Variants in PRKAG2 observed in about 807,000 individuals in gnomAD.
PRKAG2 encodes the protein 5'-AMP-activated protein kinase subunit gamma-2.
Under a neutral mutation model 69.6 loss-of-function variants are expected in PRKAG2, and 26 were observed. That is an observed-to-expected ratio of 0.37 (90% CI 0.27 to 0.52). The LOEUF (loss-of-function observed/expected upper bound fraction) is 0.52. Ranked by LOEUF, PRKAG2 falls within the 20% of genes least tolerant of loss-of-function variation. The probability of loss-of-function intolerance (pLI) is 0.90; values close to 1 mark genes in which losing one functional copy is unlikely to be tolerated. For synonymous variants in PRKAG2, 293 were observed against 285.0 expected, an observed-to-expected ratio of 1.03 and a Z score of -0.28; for missense variants, 557 against 740.0, an observed-to-expected ratio of 0.75 and a Z score of 2.87.
chr7:151,615,977 C>T (rs1189333045), intron 5 of PRKAG2, among the ~76,000 whole-genome samples: 1 of 152,232 alleles, frequency 6.6e-6, no homozygotes. Flanking sequence ...ATGATTAGAG[C>T]CTCTGTGTAC....
chr7:151,562,244 C>CAAAAAAAAAAAAAAAAA (rs575674668), intron 14 of PRKAG2, among the ~76,000 whole-genome samples: 7 of 38,476 alleles, frequency 1.8e-4, no homozygotes, highest in East Asian at 1.5e-3. Context: ...GACTTTGTCT[C>CAAAAAAAAAAAAAAAAA]AAAAAAAAAA....
chr7:151,673,424 G>A (rs1474781477), intron 4 of PRKAG2, among the ~76,000 whole-genome samples: 2 of 152,028 alleles, frequency 1.3e-5, no homozygotes, highest in African/African-American at 2.4e-5. Flanking sequence ...GCGGTTTTCC[G>A]TTTCTCCCTC....
Position 151,646,379 on chromosome 7 carries a change from T to C in PRKAG2, c.685-14241A>G, listed in dbSNP as rs574304646. On this transcript the variant is annotated intron_variant, in intron 4 of 15. Coordinates refer to ENST00000287878, the MANE Select transcript of PRKAG2 (RefSeq NM_016203.4). Reference sequence around the variant, plus strand: ...CAGCAATCTTTTGTAGTTTTCACCATGGAGGTCTTACATATCTTTTGTTAA... The same window carrying C: ...CAGCAATCTTTTGTAGTTTTCACCACGGAGGTCTTACATATCTTTTGTTAA... Among the ~76,000 whole-genome samples the C allele has an allele frequency of 1.0e-3, 153 of 152,342 alleles. 2 individuals are homozygous for C. Among genetic ancestry groups the C allele is most frequent in the South Asian group, 4.1e-4 (2 of 4,828 alleles).
At chr7:151,605,932 G>A (rs6977084) in intron 5 of PRKAG2, among the ~76,000 whole-genome samples, 26,057 of 129,754 alleles carry the variant, frequency 0.2, 2,859 homozygotes, top group African/African-American at 0.32. Context: ...GCGAGACTCC[G>A]TCTCAAAAAA....
chr7:151,632,409 G>T lies in PRKAG2; in HGVS notation c.685-271C>A. 2.0e-6 allele frequency: 1 copy of T among 506,426 alleles called. No individual in the cohort carries two copies. Among genetic ancestry groups the T allele is most frequent in the South Asian group, 8.5e-5 (1 of 11,766 alleles). The allele number at this position is 506,426 out of a possible 1,614,324, so 31.4% of individuals were successfully genotyped here. On this transcript the variant is annotated intron_variant, in intron 4 of 15. Coordinates refer to ENST00000287878, the MANE Select transcript of PRKAG2 (RefSeq NM_016203.4). This position sits in a 1 kb window ranked among gnomAD's most constrained non-coding sequence, Gnocchi z 4.2. ...GCCGCTCCCCCCCGCGCCTTGGTACGGCCCGCCCGGGAGGAAGCGTGGGAA... is the reference window on the plus strand; with the variant it reads ...GCCGCTCCCCCCCGCGCCTTGGTACTGCCCGCCCGGGAGGAAGCGTGGGAA...
intron 3 of PRKAG2, among the ~76,000 whole-genome samples, chr7:151,766,862 G>C (rs2075758923): frequency 6.6e-6 from 1 of 152,216 alleles, no homozygotes; most frequent in Admixed American, 6.5e-5. Context: ...TCGTGGAGAA[G>C]GCAGGACATA....
intron 5 of PRKAG2, among the ~76,000 whole-genome samples, chr7:151,609,349 T>C (rs1011728640): frequency 6.6e-6 from 1 of 152,206 alleles, no homozygotes; most frequent in Non-Finnish European, 1.5e-5. Flanking sequence ...TCTTTGGTCT[T>C]CTTGGCCTTA....
Position 151,828,892 on chromosome 7 carries a change from TAA to T in PRKAG2, c.115-42353_115-42352del, listed in dbSNP as rs1382412369. 2.0e-5 allele frequency among the ~76,000 whole-genome samples: 3 copies of T among 152,050 alleles called. No individual in the cohort carries two copies. The highest frequency in any genetic ancestry group is 2.9e-5 in the Non-Finnish European group (2 of 68,014). ...CACCAATGTACTCCAGCCTGGGCAATAAAGAGAGAACCTGTCTCTAAAAAGCA... is the reference window on the plus strand; with the variant it reads ...CACCAATGTACTCCAGCCTGGGCAATAGAGAGAACCTGTCTCTAAAAAGCA... On this transcript the variant is annotated intron_variant, in intron 1 of 15. Transcript: ENST00000287878. The surrounding 1 kb of genome is among the most constrained non-coding windows in gnomAD (Gnocchi z 4.6).
chr7:151,556,982 TCAGA>T lies in PRKAG2; in HGVS notation c.*215_*218del. 1.5e-6 allele frequency: 1 copy of T among 660,858 alleles called. No homozygotes were observed. The highest frequency in any genetic ancestry group is 2.5e-6 in the Non-Finnish European group (1 of 398,428). The allele number at this position is 660,858 out of a possible 1,614,324, so 40.9% of individuals were successfully genotyped here. ...AATGACATACAGCATTTAAAATCCT[TCAGA>T]CAAAGGTCTGAAAACAGTCTTTTAA... On this transcript the variant is annotated 3_prime_UTR_variant, in exon 16 of 16. Coordinates refer to ENST00000287878, the MANE Select transcript of PRKAG2 (RefSeq NM_016203.4).
rs1563756406 is a variant in PRKAG2, at chr7:151,854,999, G to GCCCTCCACACACACCGCC, written c.114+21507_114+21508insGGCGGTGTGTGTGGAGGG. 5.5e-4 allele frequency among the ~76,000 whole-genome samples: 10 copies of GCCCTCCACACACACCGCC among 18,332 alleles called. 3 individuals are homozygous for GCCCTCCACACACACCGCC. The highest frequency in any genetic ancestry group is 2.2e-3 in the African/African-American group (9 of 4,006). The allele number at this position is 18,332 out of a possible 152,430, so 12.0% of individuals were successfully genotyped here. ...ACACACCATGCTCCACACACACCATGCTCCACACACACCACCCTCCACACA... is the reference window on the plus strand; with the variant it reads ...ACACACCATGCTCCACACACACCATGCCCTCCACACACACCGCCCTCCACACACACCACCCTCCACACA... On this transcript the variant is annotated intron_variant, in intron 1 of 15. Transcript: ENST00000287878.
chr7:151,714,678 A>G (rs1795880048), intron 3 of PRKAG2, among the ~76,000 whole-genome samples: 1 of 152,146 alleles, frequency 6.6e-6, no homozygotes, highest in Admixed American at 6.5e-5. Flanking sequence ...GGCCGGGCGC[A>G]GTAGCTCATG....
chr7:151,767,533 G>A (rs977535337), intron 3 of PRKAG2, among the ~76,000 whole-genome samples: 2 of 152,198 alleles, frequency 1.3e-5, no homozygotes, highest in African/African-American at 4.8e-5. Context: ...TCAAGTGATT[G>A]GCCCGACTTG....
intron 3 of PRKAG2, among the ~76,000 whole-genome samples, chr7:151,776,012 C>T (rs2076328488): frequency 6.6e-6 from 1 of 152,210 alleles, no homozygotes; most frequent in Non-Finnish European, 1.5e-5. Context: ...AATGAACGGC[C>T]ATCTGGAAGG....
At chr7:151,821,353 G>A (rs146702311) in intron 1 of PRKAG2, among the ~76,000 whole-genome samples, 29 of 152,236 alleles carry the variant, frequency 1.9e-4, no homozygotes, top group Non-Finnish European at 3.7e-4. Flanking sequence ...ATGGCAACTC[G>A]ATCTTTCTTT....
In PRKAG2 at chr7:151,632,315, G is replaced by T; in HGVS notation, c.685-177C>A. The T allele has an allele frequency of 1.2e-6, 1 of 826,280 alleles. No homozygotes were observed. Among genetic ancestry groups the T allele is most frequent in the Non-Finnish European group, 1.5e-6 (1 of 687,844 alleles). 51.2% of individuals were successfully genotyped at this position (826,280 alleles called of 1,614,324 possible). A position where few individuals can be genotyped will look rare whatever the true frequency, so the allele number is the denominator to read the frequency against. ...CGGAGCGGGAGCGCTGCCCCCACCC[G>T]CCCGAGGCCGCCGCCGCCGCCGCAG... On this transcript the variant is annotated intron_variant, in intron 4 of 15. Coordinates refer to ENST00000287878, the MANE Select transcript of PRKAG2 (RefSeq NM_016203.4). The surrounding 1 kb of genome is among the most constrained non-coding windows in gnomAD (Gnocchi z 4.2).
intron 1 of PRKAG2, among the ~76,000 whole-genome samples, chr7:151,869,268 CTT>C (rs1482705128): frequency 6.6e-6 from 1 of 152,210 alleles, no homozygotes; most frequent in Non-Finnish European, 1.5e-5. Context: ...GGATTTAACT[CTT>C]TGCATTCATC....
rs1021425189 is a variant in PRKAG2, at chr7:151,556,372, T to G, written c.*829A>C. 1 of 152,470 alleles carries G rather than the reference T, an allele frequency of 6.6e-6. No homozygotes were observed. Among genetic ancestry groups the G allele is most frequent in the African/African-American group, 2.4e-5 (1 of 41,384 alleles). 9.4% of individuals were successfully genotyped at this position (152,470 alleles called of 1,614,324 possible). ...ACATTTCAATACACAAGAAAAAAAA[T>G]AGACATCTTCCCGGCACTTGGCTCC... is the stretch of plus-strand genomic sequence containing the variant. On this transcript the variant is annotated 3_prime_UTR_variant, in exon 16 of 16. Coordinates refer to ENST00000287878, the MANE Select transcript of PRKAG2 (RefSeq NM_016203.4).
intron 1 of PRKAG2, 86 bp downstream of exon 1, chr7:151,876,421 C>G: frequency 7.5e-7 from 1 of 1,327,520 alleles, no homozygotes; most frequent in East Asian, 2.3e-5. Flanking sequence ...ACGGCGCGCG[C>G]GGGGCGTCCA....
rs576607218 is a variant in PRKAG2 at position 151,853,940 on chromosome 7, G to A, written c.114+22567C>T. Among the ~76,000 whole-genome samples, 11 of 151,890 alleles carry A rather than the reference G, an allele frequency of 7.2e-5. No individual in the cohort carries two copies. In the South Asian group the frequency reaches 1.7e-3, roughly 23 times the overall value. On this transcript the variant is annotated intron_variant, in intron 1 of 15. Coordinates refer to ENST00000287878, the MANE Select transcript of PRKAG2 (RefSeq NM_016203.4). ...CTATGAAATCATGCTGCTTCCCACC[G>A]AAAAACCAAAAACAAATAGAATCCA... is the stretch of plus-strand genomic sequence containing the variant.
Sources: allele counts gnomAD v4.1 joint callset (sites outside exome capture counted in the v4.1 genomes callset), GRCh38; gene constraint gnomAD v4.1.1; non-coding constraint Gnocchi (gnomAD v3.1); transcripts MANE v1.5; gene names NCBI Gene and HGNC (gene_info 2026-07-23, HGNC 2026-07-21).